The following MTX2 variants were observed in gnomAD, a reference collection of about 807,000 sequenced individuals.
MTX2 encodes metaxin-2.
MTX2 carries 35 observed loss-of-function variants against 42.3 expected under a neutral mutation model. The observed-to-expected ratio is 0.83, with a 90% CI of 0.63 to 1.10. The LOEUF is 1.10. MTX2 is among the 50% of genes least tolerant of loss of function. The pLI, the probability that MTX2 is intolerant of heterozygous loss-of-function variation, is 0.00. For synonymous variants in MTX2, 119 were observed against 100.9 expected (o/e 1.18, Z -1.08); for missense variants, 307 against 304.1 (o/e 1.01, Z -0.07).
At chr2:176,270,760 C>A (rs1692787491) in intron 1 of MTX2, among the ~76,000 whole-genome samples, 1 of 151,948 alleles carries the variant, frequency 6.6e-6, no homozygotes, top group Non-Finnish European at 1.5e-5. Context: ...AGAGAAGCTC[C>A]TACTAGATTG....
At chr2:176,270,381 C>G in intron 1 of MTX2, 1 of 1,363,844 alleles carries the variant, frequency 7.3e-7, no homozygotes, top group Non-Finnish European at 9.8e-7. Context: ...TAAAGAAATA[C>G]TTTTGAGTCG....
At chr2:176,328,957 A>G in intron 7 of MTX2, 45 bp downstream of exon 7, 1 of 1,527,430 alleles carries the variant, frequency 6.5e-7, no homozygotes, top group Non-Finnish European at 9.0e-7. Flanking sequence ...TTTAATGAGA[A>G]AACACTTTTG....
At chr2:176,269,840 A>G (rs1334291973) in intron 1 of MTX2, among the ~76,000 whole-genome samples, 171 bp downstream of exon 1, 1 of 152,086 alleles carries the variant, frequency 6.6e-6, no homozygotes, top group African/African-American at 2.4e-5. Flanking sequence ...GAAAACTGAG[A>G]AGGAGACACT....
At chr2:176,272,023 A>G (rs1234632179) in intron 1 of MTX2, among the ~76,000 whole-genome samples, 2 of 152,204 alleles carry the variant, frequency 1.3e-5, no homozygotes, top group Non-Finnish European at 2.9e-5. Context: ...ATGAATGGAT[A>G]AAGAAAATGT....
rs116078454 is a variant in MTX2 at position 176,297,189 on chromosome 2, A to G, written c.88+282A>G. 4.8e-3 allele frequency among the ~76,000 whole-genome samples: 728 copies of G among 152,288 alleles called. 2 individuals are homozygous for G. The highest frequency in any genetic ancestry group is 8.2e-3 in the Non-Finnish European group (557 of 68,002). On this transcript the variant is annotated intron_variant, in intron 2 of 9. Transcript: ENST00000249442. ...AGCAGTTGGCAGATTTACTGCACCA[A>G]TAGCTGAGACAGCAGATTTTTGAAG... is the stretch of plus-strand genomic sequence containing the variant.
intron 9 of MTX2, among the ~76,000 whole-genome samples, chr2:176,335,136 G>C (rs1003176052): frequency 1.3e-5 from 2 of 152,040 alleles, no homozygotes; most frequent in African/African-American, 2.4e-5. Context: ...TTTAATTTGA[G>C]TGGTCTGAGG....
chr2:176,283,802 T>G (rs1693133442), intron 1 of MTX2, among the ~76,000 whole-genome samples: 1 of 152,204 alleles, frequency 6.6e-6, no homozygotes, highest in South Asian at 2.1e-4. Context: ...CTGTGAAGGT[T>G]AATGTTGTTG....
chr2:176,337,596 C>G lies in MTX2; in HGVS notation c.724C>G (p.Leu242Val). 1 of 1,613,394 alleles carries G rather than the reference C, an allele frequency of 6.2e-7. No homozygotes were observed. Among genetic ancestry groups the G allele is most frequent in the East Asian group, 2.2e-5 (1 of 44,820 alleles). ...TGAGAAGGTGAAAAACTATAGCAAC[C>G]TCCTTGCTTTCTGTAGGAGAATTGA... ...LSEKVKNYSNLLAFCRRIEQH... is the reference protein window; with the variant it reads ...LSEKVKNYSNVLAFCRRIEQH... Residue 242 changes from leucine to valine, a missense_variant, in exon 10 of 10, where the codon CTC (leucine) becomes GTC (valine). Coordinates refer to ENST00000249442, the MANE Select transcript of MTX2 (RefSeq NM_006554.5).
intron 1 of MTX2, among the ~76,000 whole-genome samples, chr2:176,271,256 GATTA>G (rs1306541172): frequency 6.6e-6 from 1 of 152,074 alleles, no homozygotes; most frequent in Non-Finnish European, 1.5e-5. Context: ...ATTCCAGATT[GATTA>G]AAGATCTAAA....
rs1351596471 is a variant in MTX2 at position 176,329,381 on chromosome 2, A to G, written c.498A>G (p.Lys166=). 6.2e-7 allele frequency: 1 copy of G among 1,607,666 alleles called. No individual in the cohort carries two copies. Reference sequence around the variant, plus strand: ...CCTATCAAAAACAGTGGGAAGTCAAACGTAAGATGAAAGCTATTGGATGGG... The same window carrying G: ...CCTATCAAAAACAGTGGGAAGTCAAGCGTAAGATGAAAGCTATTGGATGGG... The part of the protein sequence containing the change: ...ILAYQKQWEV[K]RKMKAIGWGK... Residue 166 remains lysine (K), a synonymous_variant, in exon 8 of 10, where the codon AAA becomes AAG. Transcript: ENST00000249442.
In MTX2 at chr2:176,328,360, TC is replaced by T; in HGVS notation, c.354del (p.Asn119ThrfsTer5). ...GAAATGAAAGCTTACATGGAATTAG[TC>T]AACAATATGCTGTTGACTGCAGAGG... ...KAEMKAYMEL[V>X]NNMLLTAELY... On this transcript the variant is annotated frameshift_variant, in exon 6 of 10. Transcript: ENST00000249442. LOFTEE classifies it high-confidence loss of function. 1 of 1,586,816 alleles carries T rather than the reference TC, an allele frequency of 6.3e-7. No individual in the cohort carries two copies. Among genetic ancestry groups the T allele is most frequent in the South Asian group, 1.2e-5 (1 of 86,526 alleles).
intron 1 of MTX2, among the ~76,000 whole-genome samples, chr2:176,286,293 A>G (rs1444269320): frequency 6.6e-6 from 1 of 152,154 alleles, no homozygotes; most frequent in Non-Finnish European, 1.5e-5. Context: ...GCGGAATCTT[A>G]ATTGCTGTCG....
chr2:176,328,905 T>C lies in MTX2; in HGVS notation c.410T>C (p.Val137Ala), dbSNP rs764029688. The change falls in exon 7 of 10, where the codon GTA becomes GCA. Residue 137 changes from valine (V) to alanine (A), a missense_variant. Transcript: ENST00000249442. ...LYLQWCDEAT[V>A]GEITHARYGS... ...CTTCAGTGGTGTGATGAAGCTACAGTAGGGGAGGTGAGTGGTTCTGTAACA... is the reference window on the plus strand; with the variant it reads ...CTTCAGTGGTGTGATGAAGCTACAGCAGGGGAGGTGAGTGGTTCTGTAACA... 2 of 1,606,358 alleles carry C rather than the reference T, an allele frequency of 1.2e-6. No homozygotes were observed. The highest frequency in any genetic ancestry group is 1.7e-5 in the Admixed American group (1 of 59,660).
intron 1 of MTX2, among the ~76,000 whole-genome samples, chr2:176,290,290 G>T (rs1164652830): frequency 6.6e-6 from 1 of 151,954 alleles, no homozygotes; most frequent in Non-Finnish European, 1.5e-5. Context: ...TAGTAGGCAG[G>T]GATCCCCATT....
intron 3 of MTX2, among the ~76,000 whole-genome samples, chr2:176,299,315 G>C (rs1380218867): frequency 6.6e-6 from 1 of 151,992 alleles, no homozygotes; most frequent in East Asian, 1.9e-4. Context: ...TGGAATAGGT[G>C]AGTTAGCCAG....
chr2:176,308,188 T>A (rs946235121), intron 3 of MTX2, among the ~76,000 whole-genome samples: 30 of 152,222 alleles, frequency 2.0e-4, no homozygotes, highest in African/African-American at 7.2e-4. Flanking sequence ...TCTGTTTATG[T>A]GATGGATTAC....
chr2:176,286,903 G>A (rs890361990), intron 1 of MTX2, among the ~76,000 whole-genome samples: 1 of 152,174 alleles, frequency 6.6e-6, no homozygotes, highest in African/African-American at 2.4e-5. Context: ...TGAATGGGTT[G>A]CTGGAGATAG....
chr2:176,337,472 T>A, intron 9 of MTX2, 21 bp from the exon 10 acceptor site: 1 of 1,559,230 alleles, frequency 6.4e-7, no homozygotes, highest in South Asian at 1.2e-5. Flanking sequence ...TTACTCACAT[T>A]ACTCTCATTT....
At chr2:176,302,249 C>CT (rs1195448152) in intron 3 of MTX2, among the ~76,000 whole-genome samples, 2 of 151,562 alleles carry the variant, frequency 1.3e-5, no homozygotes, top group Non-Finnish European at 2.9e-5. Flanking sequence ...TTACTTTGTC[C>CT]TTTTTACTTC....
Sources: allele counts gnomAD v4.1 joint callset (sites outside exome capture counted in the v4.1 genomes callset), GRCh38; gene constraint gnomAD v4.1.1; transcripts MANE v1.5; gene names NCBI Gene and HGNC (gene_info 2026-07-23, HGNC 2026-07-21).